ZBTB14: variants seen among roughly 807,000 people sequenced by gnomAD.
ZBTB14 encodes the protein zinc finger and BTB domain-containing protein 14.
ZBTB14 carries 8 observed loss-of-function variants against 29.5 expected under a neutral mutation model. The observed-to-expected ratio is 0.27, with a 90% CI of 0.16 to 0.49. ZBTB14 has a LOEUF of 0.49. Among genes scored for constraint, ZBTB14 ranks in the 20% least tolerant of loss-of-function variants. The pLI, the probability that ZBTB14 is intolerant of heterozygous loss-of-function variation, is 0.99. For missense variants in ZBTB14, 333 were observed against 563.8 expected, an observed-to-expected ratio of 0.59 and a Z score of 4.15; for synonymous variants, 226 against 207.2, an observed-to-expected ratio of 1.09 and a Z score of -0.78.
intron 1 of ZBTB14, among the ~76,000 whole-genome samples, chr18:5,295,381 C>T (rs2071930072): frequency 1.4e-5 from 2 of 143,192 alleles, no homozygotes; most frequent in African/African-American, 5.0e-5. Context: ...CCGCCGGCGG[C>T]TGTAGGCGGC....
intron 3 of ZBTB14, 84 bp from the exon 4 acceptor site, chr18:5,292,288 T>C (rs1170656299): frequency 8.6e-7 from 1 of 1,157,886 alleles, no homozygotes; most frequent in African/African-American, 1.6e-5. Flanking sequence ...TCCTGGTCAA[T>C]CTATGGAACC....
intron 2 of ZBTB14, 23 bp from the exon 3 acceptor site, chr18:5,293,350 G>A: frequency 8.3e-7 from 1 of 1,201,728 alleles, no homozygotes; most frequent in Non-Finnish European, 1.2e-6. Context: ...GGATAAACAA[G>A]AATGAGGTAG....
At chr18:5,294,315 C>T (rs2071889065) in intron 1 of ZBTB14, among the ~76,000 whole-genome samples, 1 of 152,190 alleles carries the variant, frequency 6.6e-6, no homozygotes, top group Non-Finnish European at 1.5e-5. Flanking sequence ...GGCCTGTAAT[C>T]ATCCAGAGGC....
chr18:5,296,655 T>C (rs576285508), upstream of ZBTB14, among the ~76,000 whole-genome samples: 186 of 152,000 alleles, frequency 1.2e-3, 2 homozygotes, highest in Non-Finnish European at 4.3e-4. Context: ...CGGTGCACAA[T>C]AAACACTTGC....
At chr18:5,296,317 G>A (rs575560747), upstream of ZBTB14, 9 of 150,426 alleles carry the variant, frequency 6.0e-5, no homozygotes, top group African/African-American at 2.2e-4. Context: ...GGGAGCCAGG[G>A]AACTTAAGCA....
chr18:5,292,603 G>A (rs1360094547), intron 3 of ZBTB14, among the ~76,000 whole-genome samples: 1 of 152,178 alleles, frequency 6.6e-6, no homozygotes, highest in East Asian at 1.9e-4. Flanking sequence ...TGCAAAACCA[G>A]TGCTTCCTGA....
In ZBTB14 at chr18:5,291,833, A is replaced by G; in HGVS notation, c.375T>C (p.Ser125=). The G allele has an allele frequency of 6.2e-7, 1 of 1,614,138 alleles. No homozygotes were observed. The highest frequency in any genetic ancestry group is 1.1e-5 in the South Asian group (1 of 91,058). Residue 125 remains serine (S), a synonymous_variant, in exon 4 of 4, where the codon TCT becomes TCC. Transcript: ENST00000651870. This position sits in a 1 kb window ranked among gnomAD's most constrained non-coding sequence, Gnocchi z 5.8. The part of the protein sequence containing the change: ...LGIRFLDKLC[S]QKRDVSSPDE... ...CGGGACTGGACACATCACGCTTCTG[A>G]GAACACAGTTTATCCAAAAATCGGA...
Position 5,290,002 on chromosome 18 carries a change from A to T in ZBTB14, c.*856T>A, listed in dbSNP as rs1225112375. 4 of 152,232 alleles carry T rather than the reference A, an allele frequency of 2.6e-5. No homozygotes were observed. The highest frequency in any genetic ancestry group is 9.6e-5 in the African/African-American group (4 of 41,454). The allele number at this position is 152,232 out of a possible 1,614,324, so 9.4% of individuals were successfully genotyped here. A position where few individuals can be genotyped will look rare whatever the true frequency, so the allele number is the denominator to read the frequency against. ...AAAAATCCAATTTCAAAATCAATTA[A>T]GATTTTAATCTAGGAAATCTTGGGA... On this transcript the variant is annotated 3_prime_UTR_variant, in exon 4 of 4. Coordinates refer to ENST00000651870, the MANE Select transcript of ZBTB14 (RefSeq NM_001243702.2).
Position 5,295,440 on chromosome 18 carries a change from C to A in ZBTB14, c.-112+212G>T, listed in dbSNP as rs867862544. 1.9e-3 allele frequency among the ~76,000 whole-genome samples: 274 copies of A among 145,288 alleles called. 5 individuals carry two copies. Among genetic ancestry groups the A allele is most frequent in the South Asian group, 9.6e-3 (46 of 4,782 alleles). ...GGGCGGCGCCCGGCGGGCCGCGCTC[C>A]GCGCTGGGTTCGGGCCGTCCCCACC... is the stretch of plus-strand genomic sequence containing the variant. On this transcript the variant is annotated intron_variant, in intron 1 of 3. Transcript: ENST00000651870.
chr18:5,293,461 G>A lies in ZBTB14; in HGVS notation c.-81-134C>T, dbSNP rs943508093. ...ATTTTCAGGTTGGGGAGAGTGGCAGGTAGGTAGCTGGTACATCAAGTGCAG... is the reference window on the plus strand; with the variant it reads ...ATTTTCAGGTTGGGGAGAGTGGCAGATAGGTAGCTGGTACATCAAGTGCAG... On this transcript the variant is annotated intron_variant, in intron 2 of 3. Coordinates refer to ENST00000651870, the MANE Select transcript of ZBTB14 (RefSeq NM_001243702.2). 1.4e-5 allele frequency: 8 copies of A among 564,900 alleles called. No individual in the cohort carries two copies. The Admixed American group carries it at 2.1e-4, about 15-fold the overall frequency. The allele number at this position is 564,900 out of a possible 1,614,324, so 35.0% of individuals were successfully genotyped here.
rs559822954 is a variant in ZBTB14 at position 5,295,097 on chromosome 18, C to G, written c.-112+555G>C. Among the ~76,000 whole-genome samples, 7 of 150,770 alleles carry G rather than the reference C, an allele frequency of 4.6e-5. No individual in the cohort carries two copies. The South Asian group carries it at 1.2e-3, about 27-fold the overall frequency. ...GACGTCGAGCGCAGGCTTGGGACCGCGGCTCGGAGCGCGCAGGGAGGGACT... is the reference window on the plus strand; with the variant it reads ...GACGTCGAGCGCAGGCTTGGGACCGGGGCTCGGAGCGCGCAGGGAGGGACT... On this transcript the variant is annotated intron_variant, in intron 1 of 3. Transcript: ENST00000651870.
chr18:5,291,713 T>G lies in ZBTB14; in HGVS notation c.495A>C (p.Glu165Asp). 6.2e-7 allele frequency: 1 copy of G among 1,614,142 alleles called. No individual in the cohort carries two copies. ...AADTQDDDVE[E>D]IGDQDDSPSD... ...AAGGACTGTCATCCTGATCCCCGAT[T>G]TCCTCTACATCATCATCCTGGGTGT... Residue 165 changes from glutamate (E) to aspartate (D), a missense_variant, in exon 4 of 4, where the codon GAA becomes GAC. Physicochemically the swap from Glu to Asp is conservative, Grantham distance 45. Around this residue, in one of 3 missense-constraint regions of ZBTB14, gnomAD observed 126 missense variants for 132.2 expected, o/e 0.95. Transcript: ENST00000651870. This position sits in a 1 kb window ranked among gnomAD's most constrained non-coding sequence, Gnocchi z 5.8.
Position 5,291,913 on chromosome 18 carries a change from A to T in ZBTB14, c.295T>A (p.Ser99Thr). Residue 99 changes from serine to threonine, a missense_variant, in exon 4 of 4, where the codon TCC (serine) becomes ACC (threonine). Physicochemically the swap from Ser to Thr is moderately conservative, Grantham distance 58. Coordinates refer to ENST00000651870, the MANE Select transcript of ZBTB14 (RefSeq NM_001243702.2). The surrounding 1 kb of genome is among the most constrained non-coding windows in gnomAD (Gnocchi z 5.8). ...VLNYMYTAKI[S>T]VKKEDVNLMM... The stretch of plus-strand genomic sequence containing the variant: ...AAGTTAACATCTTCTTTTTTCACGG[A>T]AATCTTTGCTGTGTACATGTAGTTC... The T allele has an allele frequency of 1.2e-6, 2 of 1,614,152 alleles. No individual in the cohort carries two copies. Among genetic ancestry groups the T allele is most frequent in the Admixed American group, 3.3e-5 (2 of 60,026 alleles).
rs1166743745 is a variant in ZBTB14 at position 5,290,898 on chromosome 18, G to A, written c.1310C>T (p.Ala437Val). ...CGTCTCCAGCTGCTGTTCTGCTTCCGCAGCCATCGCTGCCGCCTGCAACTG... is the reference window on the plus strand; with the variant it reads ...CGTCTCCAGCTGCTGTTCTGCTTCCACAGCCATCGCTGCCGCCTGCAACTG... ...TEQLQAAAMA[A>V]EAEQQLETIA... The change falls in exon 4 of 4, where the codon GCG becomes GTG. Residue 437 changes from alanine to valine, a missense_variant. By Grantham distance (64) the Ala-to-Val change is moderately conservative. This residue lies in a region of ZBTB14 where 140 missense variants were observed against 274.6 expected (regional missense o/e 0.51). Coordinates refer to ENST00000651870, the MANE Select transcript of ZBTB14 (RefSeq NM_001243702.2). 3.1e-6 allele frequency: 5 copies of A among 1,614,098 alleles called. No individual in the cohort carries two copies. Among genetic ancestry groups the A allele is most frequent in the Non-Finnish European group, 3.4e-6 (4 of 1,180,046 alleles).
chr18:5,293,273 C>A lies in ZBTB14; in HGVS notation c.-27G>T, dbSNP rs901934781. ...AACAACTCAGGCTATTATCTTAATG[C>A]CTTGAACGCCAAAATCTTCAGATCA... On this transcript the variant is annotated 5_prime_UTR_variant, in exon 3 of 4. Coordinates refer to ENST00000651870, the MANE Select transcript of ZBTB14 (RefSeq NM_001243702.2). 3 of 1,612,584 alleles carry A rather than the reference C, an allele frequency of 1.9e-6. No individual in the cohort carries two copies. Among genetic ancestry groups the A allele is most frequent in the African/African-American group, 2.7e-5 (2 of 74,840 alleles).
upstream of ZBTB14, chr18:5,295,741 C>G (rs1598350021): frequency 6.6e-6 from 1 of 151,462 alleles, no homozygotes; most frequent in East Asian, 2.0e-4. Context: ...GGCCGCCCCG[C>G]CAGCCGCCGG....
chr18:5,296,413 A>C (rs574637857), upstream of ZBTB14, among the ~76,000 whole-genome samples: 1,642 of 147,892 alleles, frequency 0.011, 18 homozygotes, highest in Middle Eastern at 0.04. Context: ...GCGCCGGCGC[A>C]GCGCCGGGGA....
intron 2 of ZBTB14, 27 bp downstream of exon 2, chr18:5,293,945 A>G (rs887532775): frequency 2.6e-5 from 4 of 152,250 alleles, no homozygotes; most frequent in Non-Finnish European, 5.9e-5. Flanking sequence ...AAAGAATTTC[A>G]GCTTTTTTGT....
At chr18:5,295,224 A>C (rs2071923195) in intron 1 of ZBTB14, among the ~76,000 whole-genome samples, 2 of 142,882 alleles carry the variant, frequency 1.4e-5, no homozygotes, top group East Asian at 4.3e-4. Context: ...GCGAGCCCGG[A>C]GCTCGCGCCC....
Sources: gnomAD v4.1 joint callset for allele counts (sites outside exome capture counted in the v4.1 genomes callset) on GRCh38, gnomAD v4.1.1 for gene constraint, gnomAD v4.1.1 regional missense constraint, Gnocchi (gnomAD v3.1) non-coding constraint, MANE v1.5 for transcripts, NCBI Gene and HGNC (gene_info 2026-07-23, HGNC 2026-07-21) for gene names.